REV1: variants seen among roughly 807,000 people sequenced by gnomAD.
REV1 encodes translesion synthesis protein REV1.
Under a neutral mutation model 137.4 loss-of-function variants are expected in REV1, and 42 were observed. That is an observed-to-expected ratio of 0.31 (90% CI 0.24 to 0.40). The LOEUF (loss-of-function observed/expected upper bound fraction) is 0.40, where lower values mean the gene tolerates loss of function less well. Ranked by LOEUF, REV1 falls within the 10% of genes least tolerant of loss-of-function variation. The pLI, the probability that REV1 is intolerant of heterozygous loss-of-function variation, is 1.00. For missense variants in REV1, 1,282 were observed against 1,490.1 expected (o/e 0.86, Z 2.30); for synonymous variants, 524 against 519.2 (o/e 1.01, Z -0.12).
At position 99,453,618 on chromosome 2, in the gene REV1, G is replaced by C. The variant is rs1012561790; in HGVS notation, c.182-4114C>G. On this transcript the variant is annotated intron_variant, in intron 3 of 22. Coordinates refer to ENST00000258428, the MANE Select transcript of REV1 (RefSeq NM_016316.4). ...GAAAATAAAAAATCAAAACAGGCCA[G>C]GTATGGCGGCTCACACCTATAATCC... Among the ~76,000 whole-genome samples the C allele has an allele frequency of 7.2e-5, 11 of 152,186 alleles. No homozygotes were observed. The East Asian group carries it at 2.1e-3, about 30-fold the overall frequency.
At chr2:99,403,412 G>A in intron 19 of REV1, 1 of 559,788 alleles carries the variant, frequency 1.8e-6, no homozygotes, top group Non-Finnish European at 3.2e-6. Flanking sequence ...TCATCTCAAA[G>A]GACAACTAGC....
At position 99,442,637 on chromosome 2, in the gene REV1, T is replaced by C. The variant is rs2104867776; in HGVS notation, c.351-168A>G. Among the ~76,000 whole-genome samples, 3 of 152,272 alleles carry C rather than the reference T, an allele frequency of 2.0e-5. 1 individual carries two copies. Among genetic ancestry groups the C allele is most frequent in the Middle Eastern group, 3.4e-3 (1 of 294 alleles). On this transcript the variant is annotated intron_variant, in intron 4 of 22. Coordinates refer to ENST00000258428, the MANE Select transcript of REV1 (RefSeq NM_016316.4). ...TTAGTGGTCCTAATACAATATGATC[T>C]TAGAGTGGGGAAAAACTGCAAGCAC... is the stretch of plus-strand genomic sequence containing the variant.
At chr2:99,456,037 G>C (rs1043679876) in intron 3 of REV1, among the ~76,000 whole-genome samples, 4 of 152,068 alleles carry the variant, frequency 2.6e-5, no homozygotes, top group African/African-American at 9.7e-5. Flanking sequence ...TGCAACCACT[G>C]TCCACTAAGT....
chr2:99,468,461 T>C (rs1047733842), intron 1 of REV1, among the ~76,000 whole-genome samples: 34 of 152,348 alleles, frequency 2.2e-4, no homozygotes, highest in Non-Finnish European at 4.6e-4. Context: ...TGAATTACAA[T>C]GTGTCCTCTT....
chr2:99,445,974 T>A (rs1308972885), intron 4 of REV1, among the ~76,000 whole-genome samples: 1 of 152,234 alleles, frequency 6.6e-6, no homozygotes, highest in Non-Finnish European at 1.5e-5. Context: ...AGCTAATACA[T>A]GTTAAAATTT....
chr2:99,412,229 C>A (rs1304859764), intron 13 of REV1, among the ~76,000 whole-genome samples: 7 of 137,718 alleles, frequency 5.1e-5, no homozygotes, highest in Middle Eastern at 4.0e-3. Flanking sequence ...TGAGACTCCA[C>A]CCTGGGCAAC....
At chr2:99,433,954 T>G (rs1362304842) in intron 8 of REV1, among the ~76,000 whole-genome samples, 1 of 122,328 alleles carries the variant, frequency 8.2e-6, no homozygotes, top group Non-Finnish European at 1.8e-5. Flanking sequence ...AAATTAAAAG[T>G]TCTACTGTTT....
At chr2:99,484,682 T>A (rs577058170) in intron 1 of REV1, among the ~76,000 whole-genome samples, 2 of 151,898 alleles carry the variant, frequency 1.3e-5, no homozygotes, top group South Asian at 4.2e-4. Context: ...ATAGTAGTAG[T>A]AGTTAAATCT....
At chr2:99,426,447 C>T (rs891921385) in intron 9 of REV1, among the ~76,000 whole-genome samples, 2 of 151,888 alleles carry the variant, frequency 1.3e-5, no homozygotes, top group Non-Finnish European at 2.9e-5. Flanking sequence ...AAAAATTTTC[C>T]GAAGCACATT....
intron 9 of REV1, 125 bp from the exon 10 acceptor site, chr2:99,424,405 G>A (rs1679070602): frequency 9.8e-7 from 1 of 1,023,822 alleles, no homozygotes; most frequent in Non-Finnish European, 1.4e-6. Flanking sequence ...ATTCTCATTA[G>A]GGATTAAAGA....
At chr2:99,447,051 ATG>A in intron 4 of REV1, among the ~76,000 whole-genome samples, 3 of 152,238 alleles carry the variant, frequency 2.0e-5, no homozygotes, top group African/African-American at 7.2e-5. Flanking sequence ...TGGTTAGGTC[ATG>A]AGACCACAGT....
intron 1 of REV1, among the ~76,000 whole-genome samples, chr2:99,483,076 T>C (rs1196092776): frequency 6.6e-6 from 1 of 151,526 alleles, no homozygotes; most frequent in East Asian, 1.9e-4. Context: ...AAGAAGAAAT[T>C]GTTAAAACAT....
intron 1 of REV1, among the ~76,000 whole-genome samples, chr2:99,465,526 T>C (rs1684697351): frequency 6.6e-6 from 1 of 152,218 alleles, no homozygotes; most frequent in Non-Finnish European, 1.5e-5. Flanking sequence ...TAATAGTAAA[T>C]CTGTCATTCT....
At position 99,424,204 on chromosome 2, in the gene REV1, CG is replaced by C; in HGVS notation, c.1623del (p.Tyr541Ter). 1 of 1,613,838 alleles carries C rather than the reference CG, an allele frequency of 6.2e-7. No homozygotes were observed. Among genetic ancestry groups the C allele is most frequent in the Non-Finnish European group, 8.5e-7 (1 of 1,179,824 alleles). On this transcript the variant is annotated frameshift_variant, in exon 10 of 23. Coordinates refer to ENST00000258428, the MANE Select transcript of REV1 (RefSeq NM_016316.4). LOFTEE classifies it high-confidence loss of function. ...QLCPNLQAVP[Y>X]DFHAYKEVAQ... is the part of the protein sequence containing the mutation. Reference sequence around the variant, plus strand: ...GCGACTTCCTTATATGCATGAAAATCGTATGGAACAGCTTGAAGATTAGGAC... The same window carrying C: ...GCGACTTCCTTATATGCATGAAAATCTATGGAACAGCTTGAAGATTAGGAC...
intron 5 of REV1, 42 bp downstream of exon 5, chr2:99,442,275 A>C (rs1273771964): frequency 1.3e-6 from 2 of 1,500,886 alleles, no homozygotes; most frequent in East Asian, 2.3e-5. Flanking sequence ...AAAAAAAAAA[A>C]ACCAACCAGC....
rs943981218 is a variant in REV1, at chr2:99,438,974, C to T, written c.840G>A (p.Gln280=). The T allele has an allele frequency of 6.2e-7, 1 of 1,614,210 alleles. No homozygotes were observed. Among genetic ancestry groups the T allele is most frequent in the African/African-American group, 1.3e-5 (1 of 75,054 alleles). ...AAGCATCTGTGTTTCTGGTGCTTTG[C>T]TGCAACTGCTGCAGAGTGCAGTCTC... ...DFRDCTLQQL[Q]QSTRNTDALR... Residue 280 remains glutamine (Q), a synonymous_variant, in exon 6 of 23, where the codon CAG becomes CAA. Coordinates refer to ENST00000258428, the MANE Select transcript of REV1 (RefSeq NM_016316.4).
intron 11 of REV1, among the ~76,000 whole-genome samples, chr2:99,420,697 T>C (rs1322771631): frequency 6.6e-6 from 1 of 152,190 alleles, no homozygotes; most frequent in Non-Finnish European, 1.5e-5. Flanking sequence ...ATTTCATGGG[T>C]ACAAAGGAGA....
chr2:99,486,195 T>G (rs189243812), intron 1 of REV1, among the ~76,000 whole-genome samples: 70 of 152,324 alleles, frequency 4.6e-4, no homozygotes, highest in African/African-American at 1.6e-3. Context: ...AAATCCTAAG[T>G]GAACAAGCTA....
intron 1 of REV1, among the ~76,000 whole-genome samples, chr2:99,485,980 C>T (rs1460908994): frequency 6.6e-6 from 1 of 152,114 alleles, no homozygotes; most frequent in African/African-American, 2.4e-5. Flanking sequence ...AAAAGACTAG[C>T]CAGGCATGGT....
Sources: allele counts gnomAD v4.1 joint callset (sites outside exome capture counted in the v4.1 genomes callset), GRCh38; gene constraint gnomAD v4.1.1; transcripts MANE v1.5; gene names NCBI Gene and HGNC (gene_info 2026-07-23, HGNC 2026-07-21).